Variants in GTF3C1 observed in about 807,000 individuals in gnomAD.
The protein encoded by GTF3C1 is general transcription factor 3C polypeptide 1.
GTF3C1 carries 57 observed loss-of-function variants against 226.7 expected under a neutral mutation model. That is an observed-to-expected ratio of 0.25 (90% CI 0.20 to 0.31). The LOEUF is 0.31. GTF3C1 is among the 10% of genes least tolerant of loss of function. The pLI is 1.00. For missense variants in GTF3C1, 2,217 were observed against 2,776.1 expected, an observed-to-expected ratio of 0.80 and a Z score of 4.53; for synonymous variants, 1,090 against 1,084.8, an observed-to-expected ratio of 1.00 and a Z score of -0.09.
intron 12 of GTF3C1, among the ~76,000 whole-genome samples, chr16:27,500,123 C>T (rs1191068147): frequency 6.6e-6 from 1 of 152,164 alleles, no homozygotes; most frequent in African/African-American, 2.4e-5. Context: ...TAACCCTAGA[C>T]TGGAGGGTGG....
chr16:27,547,589 TA>T (rs1307149172), intron 1 of GTF3C1, among the ~76,000 whole-genome samples: 2 of 152,158 alleles, frequency 1.3e-5, no homozygotes, highest in South Asian at 2.1e-4. Flanking sequence ...ACTAGATTAC[TA>T]AAAATCTCTC....
intron 6 of GTF3C1, among the ~76,000 whole-genome samples, chr16:27,516,803 T>A (rs2088665939): frequency 6.6e-6 from 1 of 152,314 alleles, no homozygotes; most frequent in South Asian, 2.1e-4. Flanking sequence ...CGGATCTTTT[T>A]TTTATTTGTT....
chr16:27,505,468 C>T (rs1319359247), intron 10 of GTF3C1, among the ~76,000 whole-genome samples: 1 of 152,174 alleles, frequency 6.6e-6, no homozygotes, highest in Non-Finnish European at 1.5e-5. Flanking sequence ...CAGCCCCTCC[C>T]TAAGTGTGGC....
intron 6 of GTF3C1, among the ~76,000 whole-genome samples, chr16:27,526,820 A>G (rs936637358): frequency 1.3e-5 from 2 of 152,254 alleles, no homozygotes; most frequent in Admixed American, 6.5e-5. Context: ...ATATATTCCA[A>G]CTATCACCTT....
At chr16:27,466,855 T>C (rs1273172954) in intron 32 of GTF3C1, among the ~76,000 whole-genome samples, 1 of 152,228 alleles carries the variant, frequency 6.6e-6, no homozygotes, top group Non-Finnish European at 1.5e-5. Flanking sequence ...AGCCAAAGCC[T>C]AATCCAGAGA....
intron 32 of GTF3C1, among the ~76,000 whole-genome samples, chr16:27,468,352 C>T (rs997649920): frequency 2.0e-5 from 3 of 152,262 alleles, no homozygotes; most frequent in African/African-American, 7.2e-5. Flanking sequence ...GGCATGGTAG[C>T]TCATGCCTGT....
intron 27 of GTF3C1, 85 bp downstream of exon 27, chr16:27,480,994 C>T: frequency 1.8e-6 from 2 of 1,124,586 alleles, no homozygotes; most frequent in Non-Finnish European, 1.4e-6. Flanking sequence ...TGTGCGCTTC[C>T]CGGACCTGCT....
At position 27,495,211 on chromosome 16, in the gene GTF3C1, C is replaced by A; in HGVS notation, c.2632G>T (p.Val878Leu). Residue 878 changes from valine (V) to leucine (L), a missense_variant and splice_region_variant, in exon 15 of 37, where the codon GTG (valine) becomes TTG (leucine). Val to Leu is a conservative substitution (Grantham distance 32). Around this residue, in one of 12 missense-constraint regions of GTF3C1, gnomAD observed 353 missense variants for 411.7 expected, o/e 0.86. Transcript: ENST00000356183. ...TGCAGGAGTGGCAGGGGCCTCTCACCTGTCTCCGTGGCAAGCTCCACTTCA... is the reference window on the plus strand; with the variant it reads ...TGCAGGAGTGGCAGGGGCCTCTCACATGTCTCCGTGGCAAGCTCCACTTCA... ...EAEVELATET[V>L]YVDDASWMRY... 1 of 1,607,540 alleles carries A rather than the reference C, an allele frequency of 6.2e-7. No homozygotes were observed. The highest frequency in any genetic ancestry group is 1.1e-5 in the South Asian group (1 of 90,944).
chr16:27,548,413 T>A (rs2089198736), intron 1 of GTF3C1, among the ~76,000 whole-genome samples: 1 of 152,154 alleles, frequency 6.6e-6, no homozygotes, highest in African/African-American at 2.4e-5. Context: ...GATACAGGCA[T>A]GCGCCACCAC....
chr16:27,469,198 G>A lies in GTF3C1; in HGVS notation c.5074+93C>T, dbSNP rs60057704. 5.2e-4 allele frequency: 672 copies of A among 1,286,640 alleles called. 6 individuals are homozygous for A. The African/African-American group carries it at 9.1e-3, about 17-fold the overall frequency. The allele number at this position is 1,286,640 out of a possible 1,614,324, so 79.7% of individuals were successfully genotyped here. On this transcript the variant is annotated intron_variant, in intron 32 of 36. Transcript: ENST00000356183. The surrounding 1 kb of genome is among the most constrained non-coding windows in gnomAD (Gnocchi z 4.5). ...TCTGTGGCTGCACGCCTGGCCTGGGGAGCCTGAAGGTCTAGGTCCCAGGCC... is the reference window on the plus strand; with the variant it reads ...TCTGTGGCTGCACGCCTGGCCTGGGAAGCCTGAAGGTCTAGGTCCCAGGCC...
At chr16:27,537,948 T>C (rs758729505) in intron 3 of GTF3C1, 21 bp from the exon 4 acceptor site, 6 of 1,611,130 alleles carry the variant, frequency 3.7e-6, no homozygotes, top group African/African-American at 2.7e-5. Context: ...AGAGGAGCCA[T>C]GTCATTTGCT....
At chr16:27,495,699 T>C (rs2088305931) in intron 14 of GTF3C1, among the ~76,000 whole-genome samples, 1 of 152,220 alleles carries the variant, frequency 6.6e-6, no homozygotes. Context: ...AAACAGCTGG[T>C]GCAGAAAATA....
chr16:27,545,685 C>T (rs1567418929), intron 1 of GTF3C1, among the ~76,000 whole-genome samples, 162 bp from the exon 2 acceptor site: 1 of 152,174 alleles, frequency 6.6e-6, no homozygotes, highest in African/African-American at 2.4e-5. Context: ...AGGTTCCTGC[C>T]TTTCTATCCC....
At position 27,528,649 on chromosome 16, in the gene GTF3C1, G is replaced by A. The variant is rs770118725; in HGVS notation, c.922C>T (p.Leu308Phe). The A allele has an allele frequency of 4.3e-6, 7 of 1,611,968 alleles. No homozygotes were observed. Among genetic ancestry groups the A allele is most frequent in the Non-Finnish European group, 5.9e-6 (7 of 1,178,136 alleles). The change falls in exon 6 of 37, where the codon CTT becomes TTT. Residue 308 changes from leucine (L) to phenylalanine (F), a missense_variant. Leu to Phe is a conservative substitution (Grantham distance 22, BLOSUM62 0). Around this residue, in one of 12 missense-constraint regions of GTF3C1, gnomAD observed 163 missense variants for 234.3 expected, o/e 0.70. Coordinates refer to ENST00000356183, the MANE Select transcript of GTF3C1 (RefSeq NM_001520.4). ...LNAGLAKVVS[L>F]RLQEIHPECG... ...TCAGGGTGGATCTCTTGCAAGCGAAGAGACACCACCTTGGCTAGCCCGGCG... is the reference window on the plus strand; with the variant it reads ...TCAGGGTGGATCTCTTGCAAGCGAAAAGACACCACCTTGGCTAGCCCGGCG...
intron 2 of GTF3C1, among the ~76,000 whole-genome samples, chr16:27,544,951 G>A (rs2089141183): frequency 6.7e-6 from 1 of 148,940 alleles, no homozygotes; most frequent in South Asian, 2.2e-4. Flanking sequence ...AAAGCACTCA[G>A]ATTCCCAGGA....
rs1054190704 is a variant in GTF3C1, at chr16:27,470,855, C to A, written c.4527-460G>T. On this transcript the variant is annotated intron_variant, in intron 30 of 36. Coordinates refer to ENST00000356183, the MANE Select transcript of GTF3C1 (RefSeq NM_001520.4). The surrounding 1 kb of genome is among the most constrained non-coding windows in gnomAD (Gnocchi z 4.9). ...CTGTCCAGAGAGCAACATTCCATGA[C>A]CCTGCTACCAGGGTCAGAGGGAGGG... 1.2e-5 allele frequency: 2 copies of A among 171,622 alleles called. No homozygotes were observed. The highest frequency in any genetic ancestry group is 2.6e-5 in the Non-Finnish European group (2 of 78,370). The allele number at this position is 171,622 out of a possible 1,614,324, so 10.6% of individuals were successfully genotyped here.
At chr16:27,535,371 G>C (rs772141748) in intron 4 of GTF3C1, among the ~76,000 whole-genome samples, 2 of 152,080 alleles carry the variant, frequency 1.3e-5, no homozygotes, top group African/African-American at 4.8e-5. Context: ...TCAGGAGTTC[G>C]AGACCAGCCT....
intron 5 of GTF3C1, among the ~76,000 whole-genome samples, chr16:27,531,842 G>A (rs979623308): frequency 3.9e-5 from 6 of 152,188 alleles, no homozygotes; most frequent in African/African-American, 1.4e-4. Flanking sequence ...TAAGCCGGTA[G>A]GAAATTCCTT....
At chr16:27,478,575 C>G in intron 27 of GTF3C1, 44 bp from the exon 28 acceptor site, 1 of 1,334,788 alleles carries the variant, frequency 7.5e-7, no homozygotes, top group Non-Finnish European at 1.1e-6. Context: ...CAAAACAGCT[C>G]CTCACTAAGC....
Sources: allele counts gnomAD v4.1 joint callset (sites outside exome capture counted in the v4.1 genomes callset), GRCh38; gene constraint gnomAD v4.1.1; regional missense constraint gnomAD v4.1.1; non-coding constraint Gnocchi (gnomAD v3.1); transcripts MANE v1.5; gene names NCBI Gene and HGNC (gene_info 2026-07-23, HGNC 2026-07-21).